The following HIPK1 variants were observed in gnomAD, a reference collection of about 807,000 sequenced individuals.
HIPK1 encodes the protein homeodomain interacting protein kinase 1.
HIPK1 carries 28 observed loss-of-function variants against 117.1 expected under a neutral mutation model. The observed-to-expected ratio is 0.24, with a 90% CI of 0.18 to 0.33. HIPK1 has a LOEUF of 0.33. HIPK1 is among the 10% of genes least tolerant of loss of function. The probability of loss-of-function intolerance (pLI) is 1.00; values close to 1 mark genes in which losing one functional copy is unlikely to be tolerated. For synonymous variants in HIPK1, 605 were observed against 562.5 expected (o/e 1.08, Z -1.07); for missense variants, 1,122 against 1,475.1 (o/e 0.76, Z 3.92).
At chr1:113,961,332 T>TC (rs1324358806) in intron 8 of HIPK1, among the ~76,000 whole-genome samples, 3 of 152,242 alleles carry the variant, frequency 2.0e-5, no homozygotes, top group Non-Finnish European at 4.4e-5. Context: ...CTATTAGATG[T>TC]CAATGACAAG....
chr1:113,929,476 T>C lies in HIPK1; in HGVS notation c.-59T>C. ...CTACTCGAGGCCCACCGACTCCTAC[T>C]GCAATCAGTACTATGCGATCGTCCT... is the stretch of plus-strand genomic sequence containing the variant. On this transcript the variant is annotated 5_prime_UTR_variant, in exon 1 of 16. Transcript: ENST00000426820. 1 of 1,289,412 alleles carries C rather than the reference T, an allele frequency of 7.8e-7. No homozygotes were observed. The highest frequency in any genetic ancestry group is 1.0e-6 in the Non-Finnish European group (1 of 988,866). The allele number at this position is 1,289,412 out of a possible 1,614,324, so 79.9% of individuals were successfully genotyped here.
In HIPK1 at chr1:113,929,423, T is replaced by C. The variant is rs1398545471; in HGVS notation, c.-112T>C. 11 of 1,289,278 alleles carry C rather than the reference T, an allele frequency of 8.5e-6. No homozygotes were observed. Among genetic ancestry groups the C allele is most frequent in the Admixed American group, 2.3e-5 (1 of 43,556 alleles). 79.9% of individuals were successfully genotyped at this position (1,289,278 alleles called of 1,614,324 possible). ...CGGGAAGTCCAGGCCCCGCACTCGA[T>C]CCACGCTGGCTCCCTACGGAGGCCC... is the stretch of plus-strand genomic sequence containing the variant. On this transcript the variant is annotated 5_prime_UTR_variant, in exon 1 of 16. Transcript: ENST00000426820.
At position 113,963,518 on chromosome 1, in the gene HIPK1, A is replaced by G. The variant is rs748916748; in HGVS notation, c.2235A>G (p.Val745=). Residue 745 remains valine (V), a synonymous_variant, in exon 10 of 16, where the codon GTA becomes GTG. Coordinates refer to ENST00000426820, the MANE Select transcript of HIPK1 (RefSeq NM_198268.3). ...RPALVEQTAA[V]LQAWPGGTQQ... is the part of the protein sequence containing the mutation. ...CGCTGGTTGAACAGACTGCCGCTGT[A>G]CTGGTAATTCCCCTCACTTGATTGT... 2.5e-6 allele frequency: 4 copies of G among 1,612,522 alleles called. No individual in the cohort carries two copies. Among genetic ancestry groups the G allele is most frequent in the Admixed American group, 1.7e-5 (1 of 59,524 alleles).
chr1:113,953,039 T>C (rs1671469764), intron 3 of HIPK1, 150 bp downstream of exon 3: 2 of 622,012 alleles, frequency 3.2e-6, no homozygotes, highest in Non-Finnish European at 4.7e-6. Context: ...TAAAGAATAG[T>C]ATAATTTTCT....
chr1:113,957,268 C>A lies in HIPK1; in HGVS notation c.1737C>A (p.Leu579=), dbSNP rs775334967. ...TAACCATGAGCTTCAGCAATCAGCT[C>A]AATACAGTGCACAATCAGGTATTCA... ...TNLTMSFSNQ[L]NTVHNQASVL... The change falls in exon 7 of 16, where the codon CTC becomes CTA. Residue 579 remains leucine, a synonymous_variant. Coordinates refer to ENST00000426820, the MANE Select transcript of HIPK1 (RefSeq NM_198268.3). 6.2e-7 allele frequency: 1 copy of A among 1,613,060 alleles called. No homozygotes were observed. Among genetic ancestry groups the A allele is most frequent in the South Asian group, 1.1e-5 (1 of 90,992 alleles).
rs143152540 is a variant in HIPK1, at chr1:113,955,991, T to C, written c.1407+342T>C. Among the ~76,000 whole-genome samples, 638 of 152,144 alleles carry C rather than the reference T, an allele frequency of 4.2e-3. 4 individuals carry two copies. The highest frequency in any genetic ancestry group is 6.9e-3 in the Non-Finnish European group (472 of 67,994). On this transcript the variant is annotated intron_variant, in intron 5 of 15. Transcript: ENST00000426820. ...ACGAACTCTGAACACTTCACACTTA[T>C]GTCATTTAATTTTTTCAACAGTAGA... is the stretch of plus-strand genomic sequence containing the variant.
intron 1 of HIPK1, chr1:113,930,073 G>A (rs1057311458): frequency 1.0e-6 from 1 of 954,594 alleles, no homozygotes. Flanking sequence ...AAGGGCCCCT[G>A]CCTGGGACCG....
At chr1:113,972,958 C>G (rs1672935229) in intron 15 of HIPK1, 66 bp from the exon 16 acceptor site, 2 of 1,491,026 alleles carry the variant, frequency 1.3e-6, no homozygotes, top group African/African-American at 2.8e-5. Context: ...GAGCTCTTAA[C>G]TTGGCCTTTG....
At chr1:113,958,312 A>G (rs1389921273) in intron 8 of HIPK1, 21 bp downstream of exon 8, 3 of 1,535,154 alleles carry the variant, frequency 2.0e-6, no homozygotes, top group Admixed American at 1.7e-5. Context: ...AAACTCCTGT[A>G]TCATATGGTA....
chr1:113,966,325 G>A, intron 11 of HIPK1, 53 bp downstream of exon 11: 3 of 1,531,794 alleles, frequency 2.0e-6, no homozygotes. Flanking sequence ...CCCATAGGGT[G>A]GGAGCACTTG....
At chr1:113,935,121 C>T (rs996422465) in intron 1 of HIPK1, among the ~76,000 whole-genome samples, 1 of 150,350 alleles carries the variant, frequency 6.7e-6, no homozygotes, top group East Asian at 1.9e-4. Flanking sequence ...GATATTTTGT[C>T]GTCCAGGTAA....
At chr1:113,942,573 T>C (rs1670720705) in intron 2 of HIPK1, among the ~76,000 whole-genome samples, 1 of 152,230 alleles carries the variant, frequency 6.6e-6, no homozygotes, top group Non-Finnish European at 1.5e-5. Flanking sequence ...CTTCCTGTTT[T>C]AACTTTCTCT....
In HIPK1 at chr1:113,974,302, A is replaced by G. The variant is rs1673028041; in HGVS notation, c.*790A>G. On this transcript the variant is annotated 3_prime_UTR_variant, in exon 16 of 16. Transcript: ENST00000426820. The stretch of plus-strand genomic sequence containing the variant: ...ATTCTTTTTAAATGAAGCACCATGA[A>G]TTCTTTTTTAAATTATTTTTTAAAA... 1 of 152,758 alleles carries G rather than the reference A, an allele frequency of 6.5e-6. No individual in the cohort carries two copies. The highest frequency in any genetic ancestry group is 2.1e-4 in the South Asian group (1 of 4,836). The allele number at this position is 152,758 out of a possible 1,614,324, so 9.5% of individuals were successfully genotyped here.
At chr1:113,963,364 C>T (rs758488771) in intron 9 of HIPK1, 23 bp from the exon 10 acceptor site, 267 of 1,611,260 alleles carry the variant, frequency 1.7e-4, no homozygotes, top group Middle Eastern at 3.3e-4. Context: ...TTGTTTCACT[C>T]ACCTGCCTAA....
Position 113,957,024 on chromosome 1 carries a change from GTGAT to G in HIPK1, c.1593-97_1593-94del, listed in dbSNP as rs911530827. 6.8e-6 allele frequency: 7 copies of G among 1,026,564 alleles called. No homozygotes were observed. The African/African-American group carries it at 9.7e-5, about 14-fold the overall frequency. 63.6% of individuals were successfully genotyped at this position (1,026,564 alleles called of 1,614,324 possible). A position where few individuals can be genotyped will look rare whatever the true frequency, so the allele number is the denominator to read the frequency against. Reference sequence around the variant, plus strand: ...AATTCTTGATTTATTTTATCTGAAAGTGATTGGGAAAAAAAGCTTTGATCCATGT... The same window carrying G: ...AATTCTTGATTTATTTTATCTGAAAGTGGGAAAAAAAGCTTTGATCCATGT... On this transcript the variant is annotated intron_variant, in intron 6 of 15. Transcript: ENST00000426820.
In HIPK1 at chr1:113,940,755, A is replaced by G; in HGVS notation, c.372A>G (p.Lys124=). ...AGCCATATCAAAAATGTGGATTGAA[A>G]CGAAAAAGTGAGGAAGTTGACAGCA... ...LLEPYQKCGL[K]RKSEEVDSNG... is the part of the protein sequence containing the mutation. Residue 124 remains lysine (K), a synonymous_variant, in exon 2 of 16, where the codon AAA becomes AAG. Transcript: ENST00000426820. 6.2e-7 allele frequency: 1 copy of G among 1,614,110 alleles called. No individual in the cohort carries two copies. The highest frequency in any genetic ancestry group is 8.5e-7 in the Non-Finnish European group (1 of 1,180,044).
At chr1:113,944,830 A>C (rs1291027988) in intron 2 of HIPK1, among the ~76,000 whole-genome samples, 1 of 151,840 alleles carries the variant, frequency 6.6e-6, no homozygotes, top group African/African-American at 2.4e-5. Flanking sequence ...CTAATGATTA[A>C]TGATGTTGAG....
Position 113,963,280 on chromosome 1 carries a change from A to G in HIPK1, c.2104-107A>G, listed in dbSNP as rs79054157. 1.1e-3 allele frequency: 1,454 copies of G among 1,283,174 alleles called. 14 individuals carry two copies. The African/African-American group carries it at 0.017, about 15-fold the overall frequency. The allele number at this position is 1,283,174 out of a possible 1,614,324, so 79.5% of individuals were successfully genotyped here. ...GGTATATGCATTTTAGATGCTATCAAATTACTGTTCATTGTCAGTAATAAC... is the reference window on the plus strand; with the variant it reads ...GGTATATGCATTTTAGATGCTATCAGATTACTGTTCATTGTCAGTAATAAC... On this transcript the variant is annotated intron_variant, in intron 9 of 15. Coordinates refer to ENST00000426820, the MANE Select transcript of HIPK1 (RefSeq NM_198268.3).
At chr1:113,951,155 A>C (rs2101277707) in intron 2 of HIPK1, 1 of 866,282 alleles carries the variant, frequency 1.2e-6, no homozygotes, top group Non-Finnish European at 1.4e-6. Context: ...ATAGTAGGCA[A>C]TATTTATGTG....
Sources: allele counts gnomAD v4.1 joint callset (sites outside exome capture counted in the v4.1 genomes callset), GRCh38; gene constraint gnomAD v4.1.1; transcripts MANE v1.5; gene names NCBI Gene and HGNC (gene_info 2026-07-23, HGNC 2026-07-21).